Variants in ZMYM2 observed in about 807,000 individuals in gnomAD.
ZMYM2 encodes zinc finger MYM-type containing 2, also known as zinc finger MYM-type protein 2.
ZMYM2 carries 56 observed loss-of-function variants against 162.8 expected under a neutral mutation model. The ratio of observed to expected loss-of-function variants is 0.34; its 90% CI spans 0.28 to 0.43. The LOEUF (loss-of-function observed/expected upper bound fraction) is 0.43, where lower values mean the gene tolerates loss of function less well. ZMYM2 is among the 20% of genes least tolerant of loss of function. ZMYM2 has a pLI of 1.00. For missense variants in ZMYM2, 1,275 were observed against 1,621.8 expected (o/e 0.79, Z 3.67); for synonymous variants, 510 against 541.6 (o/e 0.94, Z 0.81).
chr13:19,871,488 C>T, the ZMYM2 span, among the ~76,000 whole-genome samples: 4 of 152,120 alleles, frequency 2.6e-5, no homozygotes, highest in Admixed American at 2.6e-4. Flanking sequence ...GTAGCCAACT[C>T]CTGTGCTCAA....
Position 20,036,876 on chromosome 13 carries a change from T to C in ZMYM2, c.2259T>C (p.Asp753=). The change falls in exon 12 of 25, where the codon GAT becomes GAC. Residue 753 remains aspartate, a synonymous_variant. Transcript: ENST00000610343. The part of the protein sequence containing the change: ...DGVVRDFCSE[D]CCKKFQDWYY... Reference sequence around the variant, plus strand: ...TTGTGAGAGATTTCTGCAGTGAAGATTGCTGTAAAAAATTTCAGGATTGGT... The same window carrying C: ...TTGTGAGAGATTTCTGCAGTGAAGACTGCTGTAAAAAATTTCAGGATTGGT... 6.2e-7 allele frequency: 1 copy of C among 1,609,624 alleles called. No individual in the cohort carries two copies. The highest frequency in any genetic ancestry group is 8.5e-7 in the Non-Finnish European group (1 of 1,178,022).
intron 5 of ZMYM2, among the ~76,000 whole-genome samples, chr13:20,005,804 C>G (rs1594309222): frequency 6.6e-6 from 1 of 152,114 alleles, no homozygotes; most frequent in South Asian, 2.1e-4. Flanking sequence ...TTTAATATCA[C>G]CACTACCCAA....
chr13:19,982,304 T>TTG (rs11424881), intron 2 of ZMYM2, among the ~76,000 whole-genome samples: 2 of 143,072 alleles, frequency 1.4e-5, no homozygotes, highest in African/African-American at 5.6e-5. Flanking sequence ...TTTTTTTTTT[T>TTG]GGAGACAGAG....
At chr13:20,083,337 CAGGCGTG>C (rs1254629095) in intron 23 of ZMYM2, among the ~76,000 whole-genome samples, 1 of 152,238 alleles carries the variant, frequency 6.6e-6, no homozygotes, top group Non-Finnish European at 1.5e-5. Context: ...GCTGGGATTA[CAGGCGTG>C]AGCCACCACG....
chr13:20,024,862 T>C (rs1952436166), intron 7 of ZMYM2: 2 of 215,956 alleles, frequency 9.3e-6, no homozygotes, highest in Non-Finnish European at 1.9e-5. Context: ...ATTTCCACTT[T>C]GAAAAGCAAA....
intron 2 of ZMYM2, among the ~76,000 whole-genome samples, chr13:19,987,387 C>T (rs937893994): frequency 6.6e-6 from 1 of 151,662 alleles, no homozygotes; most frequent in Admixed American, 6.6e-5. Flanking sequence ...CCTCAGCCTC[C>T]CGAGTAGCTG....
chr13:20,076,663 G>A (rs2140990548), intron 21 of ZMYM2, among the ~76,000 whole-genome samples: 1 of 150,180 alleles, frequency 6.7e-6, no homozygotes. Context: ...TGTTTTTTAA[G>A]AAGAAAGAAC....
the ZMYM2 span, among the ~76,000 whole-genome samples, chr13:19,893,829 A>G: frequency 1.3e-5 from 2 of 151,730 alleles, no homozygotes; most frequent in Non-Finnish European, 2.9e-5. Context: ...CACAATAAAA[A>G]TATATCTTTT....
chr13:19,969,634 C>G (rs1325202138), intron 2 of ZMYM2, among the ~76,000 whole-genome samples: 1 of 152,126 alleles, frequency 6.6e-6, no homozygotes, highest in Non-Finnish European at 1.5e-5. Context: ...TTACTGAGGA[C>G]TGCTTTCTTT....
At chr13:20,074,237 T>TGTGTGTGTGAGAGA (rs1491090474) in intron 21 of ZMYM2, among the ~76,000 whole-genome samples, 37 of 127,570 alleles carry the variant, frequency 2.9e-4, no homozygotes, top group African/African-American at 8.5e-4. Flanking sequence ...TGTGTGTGTG[T>TGTGTGTGTGAGAGA]GAGAGAGACA....
the ZMYM2 span, among the ~76,000 whole-genome samples, chr13:19,917,804 G>A: frequency 6.6e-6 from 1 of 152,006 alleles, no homozygotes; most frequent in African/African-American, 2.4e-5. Flanking sequence ...GCTCATGCCT[G>A]CCCTAGCACT....
intron 2 of ZMYM2, among the ~76,000 whole-genome samples, chr13:19,960,772 C>G (rs1237255191): frequency 3.3e-5 from 5 of 152,230 alleles, no homozygotes; most frequent in Admixed American, 3.3e-4. Context: ...GTCATATTTT[C>G]CTTCAGGCAA....
the ZMYM2 span, among the ~76,000 whole-genome samples, chr13:19,918,656 G>A: frequency 6.6e-6 from 1 of 151,112 alleles, no homozygotes; most frequent in Non-Finnish European, 1.5e-5. Context: ...CTGCCACCAC[G>A]CCCAGCTAAT....
chr13:20,029,608 G>GT (rs1952895461), intron 9 of ZMYM2, among the ~76,000 whole-genome samples: 1 of 152,062 alleles, frequency 6.6e-6, no homozygotes, highest in Non-Finnish European at 1.5e-5. Flanking sequence ...AAAAATGGTA[G>GT]TTTTTTCTCC....
chr13:19,881,459 C>A, the ZMYM2 span, among the ~76,000 whole-genome samples: 1 of 150,970 alleles, frequency 6.6e-6, no homozygotes, highest in South Asian at 2.1e-4. Flanking sequence ...CCATCTCTAT[C>A]AAAAATAAAA....
At chr13:19,936,666 G>A in the ZMYM2 span, among the ~76,000 whole-genome samples, 1 of 152,088 alleles carries the variant, frequency 6.6e-6, no homozygotes, top group South Asian at 2.1e-4. Context: ...AGGTTGCAGT[G>A]AGCTGAGATC....
the ZMYM2 span, among the ~76,000 whole-genome samples, chr13:19,911,553 C>G: frequency 1.3e-5 from 2 of 152,134 alleles, no homozygotes; most frequent in African/African-American, 4.8e-5. Context: ...AATAATCAGC[C>G]TTTTGGGGTT....
intron 17 of ZMYM2, among the ~76,000 whole-genome samples, chr13:20,061,967 C>T (rs1015562456): frequency 1.3e-5 from 2 of 152,178 alleles, no homozygotes; most frequent in Non-Finnish European, 2.9e-5. Flanking sequence ...TAGGGCAGTG[C>T]TTGCGCTACA....
chr13:20,061,330 G>A (rs1956215402), intron 17 of ZMYM2, 106 bp downstream of exon 17: 2 of 1,278,608 alleles, frequency 1.6e-6, no homozygotes, highest in Non-Finnish European at 1.1e-6. Flanking sequence ...AACTTATGTG[G>A]GGGTGAGGAA....
Sources: gnomAD v4.1 joint callset for allele counts (sites outside exome capture counted in the v4.1 genomes callset) on GRCh38, gnomAD v4.1.1 for gene constraint, MANE v1.5 for transcripts, NCBI Gene and HGNC (gene_info 2026-07-23, HGNC 2026-07-21) for gene names.